The following PMS1 variants were observed in gnomAD, a reference collection of about 807,000 sequenced individuals.
PMS1 encodes PMS1 protein homolog 1.
A neutral mutation model predicts 93.1 loss-of-function variants in PMS1; 79 were observed. That is an observed-to-expected ratio of 0.85 (90% CI 0.71 to 1.02). The LOEUF (loss-of-function observed/expected upper bound fraction) is 1.02, where lower values mean the gene tolerates loss of function less well. Among genes scored for constraint, PMS1 ranks in the 50% least tolerant of loss-of-function variants. The pLI, the probability that PMS1 is intolerant of heterozygous loss-of-function variation, is 0.00. For missense variants in PMS1, 1,064 were observed against 1,085.3 expected, an observed-to-expected ratio of 0.98 and a Z score of 0.28; for synonymous variants, 335 against 363.4, an observed-to-expected ratio of 0.92 and a Z score of 0.89.
At chr2:189,810,619 A>T (rs1420414113) in intron 4 of PMS1, among the ~76,000 whole-genome samples, 1 of 152,220 alleles carries the variant, frequency 6.6e-6, no homozygotes, top group Non-Finnish European at 1.5e-5. Flanking sequence ...TTGAGTAAAA[A>T]GTGATTAAGA....
At position 189,840,237 on chromosome 2, in the gene PMS1, A is replaced by G. The variant is rs5743096; in HGVS notation, c.583-3727A>G. Among the ~76,000 whole-genome samples the G allele has an allele frequency of 1.0e-3, 159 of 152,332 alleles. No individual in the cohort carries two copies. In the Middle Eastern group the frequency reaches 0.031, roughly 29 times the overall value. On this transcript the variant is annotated intron_variant, in intron 5 of 12. Transcript: ENST00000441310. Reference sequence around the variant, plus strand: ...GCAAGTCCAGGGCTGCTGCATGGTCAGATGTTATTTCTGGACAAAAAAAAA... The same window carrying G: ...GCAAGTCCAGGGCTGCTGCATGGTCGGATGTTATTTCTGGACAAAAAAAAA...
chr2:189,831,495 T>G (rs914313290), intron 5 of PMS1, among the ~76,000 whole-genome samples: 6 of 152,192 alleles, frequency 3.9e-5, no homozygotes, highest in Non-Finnish European at 7.3e-5. Flanking sequence ...TAGCTGTGAG[T>G]GGCAAAGGAC....
intron 11 of PMS1, among the ~76,000 whole-genome samples, chr2:189,869,779 T>C (rs1310972504): frequency 1.3e-5 from 2 of 150,064 alleles, no homozygotes; most frequent in Non-Finnish European, 2.9e-5. Flanking sequence ...ATCACGCCAC[T>C]GCACTCTAGC....
rs781328782 is a variant in PMS1 at position 189,854,776 on chromosome 2, A to T, written c.1504A>T (p.Asn502Tyr). 2.5e-6 allele frequency: 4 copies of T among 1,613,784 alleles called. No homozygotes were observed. The highest frequency in any genetic ancestry group is 3.4e-6 in the Non-Finnish European group (4 of 1,179,796). ...TTCTGCAGATGAGTGGAGCAGGGGA[A>T]ATATACTTAAAAATTCAGTGGGAGA... Reference protein sequence around the residue: ...EISADEWSRGNILKNSVGENI... With the variant: ...EISADEWSRGYILKNSVGENI... The change falls in exon 9 of 13, where the codon AAT becomes TAT. Residue 502 changes from asparagine (N) to tyrosine (Y), a missense_variant. Asn to Tyr is a moderately radical substitution (Grantham distance 143, BLOSUM62 -2). Transcript: ENST00000441310.
At chr2:189,806,095 A>C in intron 4 of PMS1, 1 of 484,912 alleles carries the variant, frequency 2.1e-6, no homozygotes, top group Non-Finnish European at 3.5e-6. Flanking sequence ...ATAAAACATA[A>C]TTGATTTGGT....
rs5743168 is a variant in PMS1, at chr2:189,867,140, A to G, written c.2343-659A>G. On this transcript the variant is annotated intron_variant, in intron 10 of 12. Coordinates refer to ENST00000441310, the MANE Select transcript of PMS1 (RefSeq NM_000534.5). Reference sequence around the variant, plus strand: ...CTCAAATATTCATTGAAGGAGTGGCAAGATGGTAACTATTCACATCAACCC... The same window carrying G: ...CTCAAATATTCATTGAAGGAGTGGCGAGATGGTAACTATTCACATCAACCC... 1.6e-3 allele frequency among the ~76,000 whole-genome samples: 237 copies of G among 152,334 alleles called. 1 individual carries two copies. The highest frequency in any genetic ancestry group is 5.4e-3 in the African/African-American group (224 of 41,584).
Position 189,836,509 on chromosome 2 carries a change from CAT to C in PMS1, c.583-7453_583-7452del, listed in dbSNP as rs200396710. ...AGAAAATCTCTGTTTTTGAAAATAA[CAT>C]AGAATTGATGAAACGGTAGAGAAAG... On this transcript the variant is annotated intron_variant, in intron 5 of 12. Coordinates refer to ENST00000441310, the MANE Select transcript of PMS1 (RefSeq NM_000534.5). Among the ~76,000 whole-genome samples, 926 of 152,302 alleles carry C rather than the reference CAT, an allele frequency of 6.1e-3. 19 individuals are homozygous for C. The highest frequency in any genetic ancestry group is 0.021 in the African/African-American group (853 of 41,564).
intron 11 of PMS1, among the ~76,000 whole-genome samples, chr2:189,871,703 A>T (rs906420138): frequency 6.6e-6 from 1 of 152,170 alleles, no homozygotes; most frequent in Non-Finnish European, 1.5e-5. Flanking sequence ...CTACATCTTC[A>T]GTTATCTTTA....
At chr2:189,846,697 A>G (rs2054282879) in intron 6 of PMS1, among the ~76,000 whole-genome samples, 1 of 152,148 alleles carries the variant, frequency 6.6e-6, no homozygotes, top group Non-Finnish European at 1.5e-5. Context: ...AATGTAAAAA[A>G]TAAGTCCAAA....
At position 189,863,890 on chromosome 2, in the gene PMS1, A is replaced by G. The variant is rs1317598653; in HGVS notation, c.2004A>G (p.Leu668=). 6.2e-7 allele frequency: 1 copy of G among 1,614,096 alleles called. No individual in the cohort carries two copies. The highest frequency in any genetic ancestry group is 2.2e-5 in the East Asian group (1 of 44,868). ...GGAATTTGGCCCAGAAGCACAAGTT[A>G]AAAACCTCATTATCTAATCAACCAA... is the stretch of plus-strand genomic sequence containing the variant. The part of the protein sequence containing the change: ...SAWNLAQKHK[L]KTSLSNQPKL... The change falls in exon 10 of 13, where the codon TTA becomes TTG. Residue 668 remains leucine (L), a synonymous_variant. Transcript: ENST00000441310.
At chr2:189,854,150 G>T (rs2055075726) in intron 8 of PMS1, 68 bp downstream of exon 8, 1 of 1,376,702 alleles carries the variant, frequency 7.3e-7, no homozygotes, top group Non-Finnish European at 9.9e-7. Context: ...CATATAAAAA[G>T]ATTTGTTTAT....
At chr2:189,810,980 CAA>C (rs67298187) in intron 4 of PMS1, among the ~76,000 whole-genome samples, 7 of 94,652 alleles carry the variant, frequency 7.4e-5, no homozygotes, top group African/African-American at 1.3e-4. Flanking sequence ...AATTAACAGA[CAA>C]AAAAAAAAAA....
At chr2:189,811,612 AATAAC>A (rs2050855552) in intron 4 of PMS1, among the ~76,000 whole-genome samples, 1 of 152,086 alleles carries the variant, frequency 6.6e-6, no homozygotes, top group Admixed American at 6.5e-5. Context: ...AAAAAAAACT[AATAAC>A]ATAATTAAGA....
chr2:189,797,021 C>T (rs1437957234), intron 3 of PMS1, among the ~76,000 whole-genome samples: 1 of 152,130 alleles, frequency 6.6e-6, no homozygotes, highest in East Asian at 1.9e-4. Context: ...TTCTCAGAGC[C>T]TTTACTATAT....
rs374210276 is a variant in PMS1 at position 189,798,756 on chromosome 2, GA to G, written c.315+2806del. On this transcript the variant is annotated intron_variant, in intron 3 of 12. Transcript: ENST00000441310. ...TTTCTGTTTTAGAGCATAAGTATTT[GA>G]TTTTTTTTTTTTTTTTTTTTTAGCT... 5.5e-3 allele frequency among the ~76,000 whole-genome samples: 692 copies of G among 125,122 alleles called. 9 individuals are homozygous for G. Among genetic ancestry groups the G allele is most frequent in the African/African-American group, 9.3e-3 (300 of 32,186 alleles). The allele number at this position is 125,122 out of a possible 152,430, so 82.1% of individuals were successfully genotyped here.
At chr2:189,793,872 T>A (rs2049108044) in intron 2 of PMS1, among the ~76,000 whole-genome samples, 1 of 152,244 alleles carries the variant, frequency 6.6e-6, no homozygotes, top group South Asian at 2.1e-4. Context: ...TGACTAGATA[T>A]GTTTTCATAA....
At chr2:189,791,233 C>A (rs2048839574) in intron 1 of PMS1, among the ~76,000 whole-genome samples, 1 of 151,978 alleles carries the variant, frequency 6.6e-6, no homozygotes, top group Non-Finnish European at 1.5e-5. Flanking sequence ...AACTGGATGA[C>A]CTTGGACAAG....
chr2:189,810,221 G>A (rs1442662562), intron 4 of PMS1, among the ~76,000 whole-genome samples: 1 of 152,148 alleles, frequency 6.6e-6, no homozygotes, highest in Non-Finnish European at 1.5e-5. Flanking sequence ...GTAACCTTTC[G>A]GCAAGAGAAA....
intron 11 of PMS1, among the ~76,000 whole-genome samples, chr2:189,869,925 G>T (rs1345056446): frequency 6.6e-6 from 1 of 151,366 alleles, no homozygotes; most frequent in Non-Finnish European, 1.5e-5. Flanking sequence ...TAACTACCCA[G>T]TAAGTTTATA....
Sources: allele counts gnomAD v4.1 joint callset (sites outside exome capture counted in the v4.1 genomes callset), GRCh38; gene constraint gnomAD v4.1.1; transcripts MANE v1.5; gene names NCBI Gene and HGNC (gene_info 2026-07-23, HGNC 2026-07-21).